The following AGO3 variants were observed in gnomAD, a reference collection of about 807,000 sequenced individuals.
AGO3 encodes argonaute RISC catalytic component 3.
In AGO3, 16 loss-of-function variants were observed where a neutral mutation model predicts 105.5. That is an observed-to-expected ratio of 0.15 (90% CI 0.10 to 0.23). AGO3 has a LOEUF of 0.23. AGO3 is among the 10% of genes least tolerant of loss of function. The pLI, the probability that AGO3 is intolerant of heterozygous loss-of-function variation, is 1.00. For synonymous variants in AGO3, 340 were observed against 367.3 expected, an observed-to-expected ratio of 0.93 and a Z score of 0.85; for missense variants, 534 against 1,088.0, an observed-to-expected ratio of 0.49 and a Z score of 7.16.
At chr1:36,036,473 A>G (rs920750677) in intron 14 of AGO3, among the ~76,000 whole-genome samples, 1 of 152,120 alleles carries the variant, frequency 6.6e-6, no homozygotes, top group Non-Finnish European at 1.5e-5. Context: ...ATATTATTCA[A>G]ATCTTCTGTA....
chr1:35,953,126 C>CT (rs1424682927), intron 2 of AGO3, among the ~76,000 whole-genome samples: 1 of 152,134 alleles, frequency 6.6e-6, no homozygotes, highest in Non-Finnish European at 1.5e-5. Flanking sequence ...CTGCCAGACT[C>CT]TTTTCCAAAG....
rs181254019 is a variant in AGO3 at position 35,961,283 on chromosome 1, A to G, written c.192-5672A>G. On this transcript the variant is annotated intron_variant, in intron 2 of 18. Transcript: ENST00000373191. ...GGTATTTTTTAAATTAAATTTTACT[A>G]TAAGAGGGTATCGCGGATATTTCAT... Among the ~76,000 whole-genome samples, 44 of 152,156 alleles carry G rather than the reference A, an allele frequency of 2.9e-4. 1 individual carries two copies. The highest frequency in any genetic ancestry group is 1.5e-3 in the East Asian group (8 of 5,176).
intron 11 of AGO3, among the ~76,000 whole-genome samples, chr1:36,026,679 T>C (rs558186662): frequency 1.4e-4 from 21 of 152,218 alleles, no homozygotes; most frequent in Non-Finnish European, 2.2e-4. Context: ...GTTTTTACCA[T>C]GGTCCTGGAT....
chr1:35,940,744 T>C (rs1439166243), intron 1 of AGO3, among the ~76,000 whole-genome samples: 6 of 152,188 alleles, frequency 3.9e-5, no homozygotes, highest in Non-Finnish European at 8.8e-5. Context: ...TTCATCCACA[T>C]CTAATGACAT....
At chr1:35,971,913 A>G (rs765771447) in intron 3 of AGO3, 111 bp from the exon 4 acceptor site, 121 of 1,027,590 alleles carry the variant, frequency 1.2e-4, no homozygotes, top group Admixed American at 2.2e-4. Context: ...ATTTTAGTCT[A>G]TTGACTTTAT....
At chr1:35,973,544 TG>T (rs1172237068) in intron 5 of AGO3, 33 bp downstream of exon 5, 2 of 1,456,426 alleles carry the variant, frequency 1.4e-6, no homozygotes, top group Non-Finnish European at 1.8e-6. Flanking sequence ...CTGTATTGGG[TG>T]GTGGATTTCT....
chr1:35,937,655 C>A (rs1646175051), intron 1 of AGO3, among the ~76,000 whole-genome samples: 1 of 151,814 alleles, frequency 6.6e-6, no homozygotes, highest in South Asian at 2.1e-4. Flanking sequence ...GTGCCACTGC[C>A]CTCCAGCCTG....
At chr1:36,011,171 G>GA (rs1557683623) in intron 9 of AGO3, among the ~76,000 whole-genome samples, 1 of 152,054 alleles carries the variant, frequency 6.6e-6, no homozygotes, top group African/African-American at 2.4e-5. Flanking sequence ...CAAGCAAAGA[G>GA]AAAAAAATCT....
At chr1:35,980,473 A>T (rs1647033783) in intron 5 of AGO3, among the ~76,000 whole-genome samples, 1 of 152,218 alleles carries the variant, frequency 6.6e-6, no homozygotes, top group Admixed American at 6.5e-5. Context: ...ATTGTTGCTC[A>T]CTGCCAGTCC....
Position 36,062,201 on chromosome 1 carries a change from C to A in AGO3, c.*6456C>A, listed in dbSNP as rs1308829805. 7.3e-6 allele frequency: 1 copy of A among 137,576 alleles called. No homozygotes were observed. Among genetic ancestry groups the A allele is most frequent in the Non-Finnish European group, 1.5e-5 (1 of 65,436 alleles). The allele number at this position is 137,576 out of a possible 1,614,324, so 8.5% of individuals were successfully genotyped here. A position where few individuals can be genotyped will look rare whatever the true frequency, so the allele number is the denominator to read the frequency against. ...TTTTTGAGACAAAGTCTTGCTCTGT[C>A]ACCTAGGCTGGAGTGCAGTGGCTCA... On this transcript the variant is annotated 3_prime_UTR_variant, in exon 19 of 19. Transcript: ENST00000373191.
At chr1:35,991,371 C>G (rs1270084191) in intron 5 of AGO3, among the ~76,000 whole-genome samples, 1 of 152,014 alleles carries the variant, frequency 6.6e-6, no homozygotes, top group African/African-American at 2.4e-5. Context: ...CTCACTGTTT[C>G]AGTCTGGTTG....
At position 36,040,954 on chromosome 1, in the gene AGO3, T is replaced by A. The variant is rs931791424; in HGVS notation, c.2172+513T>A. ...CAGGTGTGGTGGCGCACATCTGTAATCCCAGCTACTCGGGAGACTGAGGCA... is the reference window on the plus strand; with the variant it reads ...CAGGTGTGGTGGCGCACATCTGTAAACCCAGCTACTCGGGAGACTGAGGCA... On this transcript the variant is annotated intron_variant, in intron 16 of 18. Transcript: ENST00000373191. Among the ~76,000 whole-genome samples, 43 of 150,194 alleles carry A rather than the reference T, an allele frequency of 2.9e-4. 1 individual carries two copies. Among genetic ancestry groups the A allele is most frequent in the Non-Finnish European group, 4.9e-4 (33 of 67,828 alleles).
At chr1:35,963,984 G>A (rs1464996973) in intron 2 of AGO3, among the ~76,000 whole-genome samples, 2 of 136,440 alleles carry the variant, frequency 1.5e-5, no homozygotes, top group Non-Finnish European at 3.0e-5. Context: ...GCATTTCACT[G>A]AGGTAGTTAT....
At chr1:36,009,238 C>A in intron 8 of AGO3, 194 bp downstream of exon 8, 1 of 835,172 alleles carries the variant, frequency 1.2e-6, no homozygotes, top group Non-Finnish European at 1.7e-6. Flanking sequence ...TCTAATGTAA[C>A]CACTGTTAAC....
rs188630707 is a variant in AGO3, at chr1:36,007,441, A to C, written c.794-1249A>C. ...GCCGGGCGTGGTGGCTCACGCCTGTAATCTCAACACTTTGGGAGGCCAAGG... is the reference window on the plus strand; with the variant it reads ...GCCGGGCGTGGTGGCTCACGCCTGTCATCTCAACACTTTGGGAGGCCAAGG... On this transcript the variant is annotated intron_variant, in intron 6 of 18. Transcript: ENST00000373191. Among the ~76,000 whole-genome samples, 485 of 152,324 alleles carry C rather than the reference A, an allele frequency of 3.2e-3. 2 individuals carry two copies. Among genetic ancestry groups the C allele is most frequent in the African/African-American group, 0.011 (467 of 41,586 alleles).
intron 1 of AGO3, among the ~76,000 whole-genome samples, chr1:35,934,644 T>C (rs774380303): frequency 6.6e-6 from 1 of 152,088 alleles, no homozygotes; most frequent in South Asian, 2.1e-4. Flanking sequence ...ACAATCTTCT[T>C]TTTATTTATT....
chr1:35,959,595 C>A (rs910391539), intron 2 of AGO3, among the ~76,000 whole-genome samples: 1 of 152,012 alleles, frequency 6.6e-6, no homozygotes, highest in Admixed American at 6.5e-5. Context: ...TTACTACTTA[C>A]GGTAAGCTAA....
intron 11 of AGO3, among the ~76,000 whole-genome samples, chr1:36,019,326 C>T (rs1641088628): frequency 6.6e-6 from 1 of 152,166 alleles, no homozygotes; most frequent in Admixed American, 6.5e-5. Context: ...TTTGTTTTCC[C>T]ATGGAAGTGG....
intron 11 of AGO3, among the ~76,000 whole-genome samples, chr1:36,016,622 G>T (rs1415324561): frequency 1.3e-5 from 2 of 151,712 alleles, no homozygotes; most frequent in African/African-American, 4.8e-5. Flanking sequence ...GATTGGCATT[G>T]ATGTCAGTCA....
Sources: gnomAD v4.1 joint callset for allele counts (sites outside exome capture counted in the v4.1 genomes callset) on GRCh38, gnomAD v4.1.1 for gene constraint, MANE v1.5 for transcripts, NCBI Gene and HGNC (gene_info 2026-07-23, HGNC 2026-07-21) for gene names.